Variants in USH1C observed in about 807,000 individuals in gnomAD.
The protein encoded by USH1C is harmonin.
In USH1C, 90 loss-of-function variants were observed where a neutral mutation model predicts 119.3. The observed-to-expected ratio is 0.75, with a 90% CI of 0.64 to 0.90. USH1C has a LOEUF of 0.90. USH1C is among the 40% of genes least tolerant of loss of function. The probability of loss-of-function intolerance (pLI) is 0.00; values close to 1 mark genes in which losing one functional copy is unlikely to be tolerated. For missense variants in USH1C, 1,165 were observed against 1,167.7 expected, an observed-to-expected ratio of 1.00 and a Z score of 0.03; for synonymous variants, 465 against 443.3, an observed-to-expected ratio of 1.05 and a Z score of -0.62.
At position 17,509,849 on chromosome 11, in the gene USH1C, T is replaced by C. The variant is rs397517872; in HGVS notation, c.1531-11A>G. On this transcript the variant is annotated splice_polypyrimidine_tract_variant and intron_variant, in intron 17 of 26. Coordinates refer to ENST00000005226, the MANE Select transcript of USH1C (RefSeq NM_153676.4). The stretch of plus-strand genomic sequence containing the variant: ...GGGCCCTGTGGTCATCTGGGGGTGT[T>C]GCAAGGAAGTTCTGTAATTGTCACT... 3 of 1,587,986 alleles carry C rather than the reference T, an allele frequency of 1.9e-6. No homozygotes were observed. The East Asian group carries it at 6.7e-5, about 36-fold the overall frequency.
At chr11:17,510,576 A>T in intron 16 of USH1C, 55 bp from the exon 17 acceptor site, 1 of 1,288,612 alleles carries the variant, frequency 7.8e-7, no homozygotes, top group Admixed American at 1.7e-5. Context: ...TTTGAATAAC[A>T]TGTGGATAGA....
At chr11:17,517,712 C>T (rs916104586) in intron 14 of USH1C, among the ~76,000 whole-genome samples, 8 of 152,154 alleles carry the variant, frequency 5.3e-5, no homozygotes, top group Admixed American at 6.5e-5. Flanking sequence ...AAAGGGCTAA[C>T]AACAGGAAAC....
intron 23 of USH1C, among the ~76,000 whole-genome samples, chr11:17,499,930 GT>G (rs1297117712): frequency 6.6e-6 from 1 of 152,162 alleles, no homozygotes; most frequent in African/African-American, 2.4e-5. Flanking sequence ...TGCTCATAGG[GT>G]CCCCCACTCT....
At chr11:17,538,858 G>T (rs766322059) in intron 1 of USH1C, among the ~76,000 whole-genome samples, 1 of 152,208 alleles carries the variant, frequency 6.6e-6, no homozygotes, top group Non-Finnish European at 1.5e-5. Context: ...TGCAGCTGCT[G>T]TCTGGGCCTC....
rs773514992 is a variant in USH1C at position 17,524,458 on chromosome 11, C to T, written c.752G>A (p.Gly251Glu). The change falls in exon 9 of 27, where the codon GGA becomes GAA. Residue 251 changes from glycine to glutamate, a missense_variant. Coordinates refer to ENST00000005226, the MANE Select transcript of USH1C (RefSeq NM_153676.4). ...VKPGSLSAEV[G>E]LEIGDQIVEV... ...CGGCCCAGCGTCACTCACCTCCAAT[C>T]CCACCTCAGCAGACAGGGAGCCAGG... 7.6e-6 allele frequency: 12 copies of T among 1,571,952 alleles called. No individual in the cohort carries two copies. The highest frequency in any genetic ancestry group is 3.3e-4 in the Middle Eastern group (2 of 6,036).
At chr11:17,530,823 A>G (rs765136169) in intron 4 of USH1C, among the ~76,000 whole-genome samples, 5 of 152,202 alleles carry the variant, frequency 3.3e-5, no homozygotes, top group Non-Finnish European at 5.9e-5. Flanking sequence ...AAAAGGCAAC[A>G]GGTCCAAAAC....
chr11:17,500,912 C>T (rs555613479), intron 23 of USH1C, 139 bp downstream of exon 23: 6 of 745,118 alleles, frequency 8.1e-6, no homozygotes, highest in Non-Finnish European at 1.4e-5. Flanking sequence ...GACAGGCAGT[C>T]GGATGGATGG....
In USH1C at chr11:17,495,603, T is replaced by C; in HGVS notation, c.2621A>G (p.His874Arg). 6.2e-7 allele frequency: 1 copy of C among 1,614,200 alleles called. No individual in the cohort carries two copies. Among genetic ancestry groups the C allele is most frequent in the South Asian group, 1.1e-5 (1 of 91,080 alleles). Residue 874 changes from histidine (H) to arginine (R), a missense_variant, in exon 26 of 27, where the codon CAC (histidine) becomes CGC (arginine). His to Arg is a conservative substitution (Grantham distance 29). Coordinates refer to ENST00000005226, the MANE Select transcript of USH1C (RefSeq NM_153676.4). ...CAGCTGCAGGAGGAACCCGTGTCTG[T>C]GCACGGCAGCACGGTCTTCAAGGAG... ...RKLLEDRAAV[H>R]RHGFLLQLEP...
At chr11:17,530,754 C>T (rs897872593) in intron 4 of USH1C, among the ~76,000 whole-genome samples, 1 of 152,244 alleles carries the variant, frequency 6.6e-6, no homozygotes. Context: ...GCTAACCCTG[C>T]TTCAGAGTCT....
chr11:17,494,656 G>A (rs537641608), intron 26 of USH1C: 1 of 520,382 alleles, frequency 1.9e-6, no homozygotes, highest in South Asian at 2.0e-5. Context: ...GCAAGTAACA[G>A]AAAACATAGG....
chr11:17,504,418 G>A lies in USH1C; in HGVS notation c.2184+229C>T, dbSNP rs11024312. Among the ~76,000 whole-genome samples the A allele has an allele frequency of 0.042, 6,358 of 152,282 alleles. 148 individuals are homozygous for A. Among genetic ancestry groups the A allele is most frequent in the Middle Eastern group, 0.085 (25 of 294 alleles). On this transcript the variant is annotated intron_variant, in intron 20 of 26. Transcript: ENST00000005226. Reference sequence around the variant, plus strand: ...GAGGTGAGTTCCCAGGGATACTGCTGTTTCTCAGCTCATGCATGGGGTCTA... The same window carrying A: ...GAGGTGAGTTCCCAGGGATACTGCTATTTCTCAGCTCATGCATGGGGTCTA...
Position 17,493,958 on chromosome 11 carries a change from G to A in USH1C, c.*374C>T. 3.1e-6 allele frequency: 1 copy of A among 318,120 alleles called. No homozygotes were observed. The highest frequency in any genetic ancestry group is 6.4e-5 in the East Asian group (1 of 15,536). The allele number at this position is 318,120 out of a possible 1,614,324, so 19.7% of individuals were successfully genotyped here. On this transcript the variant is annotated 3_prime_UTR_variant, in exon 27 of 27. Transcript: ENST00000005226. ...AGTAAGGTTTGGAGTGACAATCCTGGCAGCAATTAGAGCAGAGGGCAGAGG... is the reference window on the plus strand; with the variant it reads ...AGTAAGGTTTGGAGTGACAATCCTGACAGCAATTAGAGCAGAGGGCAGAGG...
At chr11:17,497,180 C>T (rs1849278918) in intron 24 of USH1C, among the ~76,000 whole-genome samples, 1 of 152,168 alleles carries the variant, frequency 6.6e-6, no homozygotes, top group Non-Finnish European at 1.5e-5. Context: ...CTTTTAACAA[C>T]CTCTCTGGGT....
intron 14 of USH1C, among the ~76,000 whole-genome samples, chr11:17,519,271 G>A (rs754704489): frequency 1.3e-5 from 2 of 152,206 alleles, no homozygotes; most frequent in Non-Finnish European, 2.9e-5. Context: ...AATTGCTGGT[G>A]CATACAGAGA....
At chr11:17,511,802 A>G in intron 16 of USH1C, 100 bp downstream of exon 16, 1 of 1,433,892 alleles carries the variant, frequency 7.0e-7, no homozygotes, top group Non-Finnish European at 9.5e-7. Context: ...CTTGTATGCC[A>G]TTTGAGGAGA....
Position 17,526,817 on chromosome 11 carries a change from G to A in USH1C, c.522-7C>T, listed in dbSNP as rs781742602. The A allele has an allele frequency of 6.2e-7, 1 of 1,613,586 alleles. No individual in the cohort carries two copies. On this transcript the variant is annotated splice_polypyrimidine_tract_variant and splice_region_variant and intron_variant, in intron 6 of 26. Coordinates refer to ENST00000005226, the MANE Select transcript of USH1C (RefSeq NM_153676.4). ...GAGGGGCTCATCAGGAGAGCTGATGGGAAGGGAAAATAGATGGGAGGGTGG... is the reference window on the plus strand; with the variant it reads ...GAGGGGCTCATCAGGAGAGCTGATGAGAAGGGAAAATAGATGGGAGGGTGG...
intron 2 of USH1C, among the ~76,000 whole-genome samples, chr11:17,532,960 A>G (rs142593423): frequency 5.3e-5 from 8 of 152,318 alleles, no homozygotes; most frequent in South Asian, 4.1e-4. Context: ...CCCAACAATC[A>G]TGCTCTATAG....
In USH1C at chr11:17,527,351, A is replaced by G; in HGVS notation, c.388-20T>C. Reference sequence around the variant, plus strand: ...CCCTACCTTGACCACAGAGAGAGGCAGGGAGCACCAGGTGGAGGGAGCATC... The same window carrying G: ...CCCTACCTTGACCACAGAGAGAGGCGGGGAGCACCAGGTGGAGGGAGCATC... On this transcript the variant is annotated intron_variant, in intron 4 of 26. Transcript: ENST00000005226. The G allele has an allele frequency of 6.3e-7, 1 of 1,582,516 alleles. No individual in the cohort carries two copies.
chr11:17,517,378 G>C (rs1005934271), intron 14 of USH1C: 1 of 1,565,440 alleles, frequency 6.4e-7, no homozygotes, highest in Non-Finnish European at 8.7e-7. Flanking sequence ...AGCCAGGCCA[G>C]GGAGCAAAGC....
Sources: allele counts gnomAD v4.1 joint callset (sites outside exome capture counted in the v4.1 genomes callset), GRCh38; gene constraint gnomAD v4.1.1; transcripts MANE v1.5; gene names NCBI Gene and HGNC (gene_info 2026-07-23, HGNC 2026-07-21).